Variants in TBC1D22A observed in about 807,000 individuals in gnomAD.
The protein encoded by TBC1D22A is putative GTPase activator.
Under a neutral mutation model 60.2 loss-of-function variants are expected in TBC1D22A, and 38 were observed. That is an observed-to-expected ratio of 0.63 (90% confidence interval 0.49 to 0.83). The LOEUF is 0.83. Among genes scored for constraint, TBC1D22A ranks in the 40% least tolerant of loss-of-function variants. The probability of loss-of-function intolerance (pLI) is 0.00; values close to 1 mark genes in which losing one functional copy is unlikely to be tolerated. For synonymous variants in TBC1D22A, 302 were observed against 281.7 expected, an observed-to-expected ratio of 1.07 and a Z score of -0.72; for missense variants, 628 against 701.0, an observed-to-expected ratio of 0.90 and a Z score of 1.18.
intron 8 of TBC1D22A, among the ~76,000 whole-genome samples, chr22:46,952,840 C>T (rs1304385641): frequency 1.3e-5 from 2 of 152,202 alleles, no homozygotes; most frequent in Non-Finnish European, 2.9e-5. Flanking sequence ...CTCTCCTGTC[C>T]TCCACGTCAG....
chr22:47,068,466 T>G (rs184873003), intron 11 of TBC1D22A, among the ~76,000 whole-genome samples: 1 of 152,260 alleles, frequency 6.6e-6, no homozygotes, highest in East Asian at 1.9e-4. Flanking sequence ...GTGGGGACTT[T>G]GATGTTACGA....
chr22:46,769,045 G>C (rs1414951529), intron 1 of TBC1D22A, among the ~76,000 whole-genome samples: 2 of 134,640 alleles, frequency 1.5e-5, no homozygotes, highest in Admixed American at 8.8e-5. Flanking sequence ...AGTGAGCTGA[G>C]ATCGCGTCAC....
intron 9 of TBC1D22A, among the ~76,000 whole-genome samples, chr22:46,989,143 G>T (rs1176492380): frequency 6.6e-6 from 1 of 152,196 alleles, no homozygotes; most frequent in East Asian, 1.9e-4. Flanking sequence ...AGCCTTCATA[G>T]AATTAAAGAG....
At chr22:46,871,448 A>G (rs887606088) in intron 4 of TBC1D22A, among the ~76,000 whole-genome samples, 1 of 152,222 alleles carries the variant, frequency 6.6e-6, no homozygotes, top group African/African-American at 2.4e-5. Flanking sequence ...CACCAAGTAG[A>G]CTGTATGTTG....
intron 8 of TBC1D22A, among the ~76,000 whole-genome samples, chr22:46,932,759 C>T (rs1260664733): frequency 7.5e-6 from 1 of 133,170 alleles, no homozygotes; most frequent in African/African-American, 3.0e-5. Flanking sequence ...GAGTCTCGCC[C>T]TGTTGCCCAG....
intron 4 of TBC1D22A, among the ~76,000 whole-genome samples, chr22:46,841,170 G>GA (rs2086752958): frequency 6.6e-6 from 1 of 152,158 alleles, no homozygotes; most frequent in South Asian, 2.1e-4. Flanking sequence ...TCAGCAATGT[G>GA]ATAGTATTCA....
chr22:46,904,368 AC>A (rs1337202167), intron 7 of TBC1D22A, among the ~76,000 whole-genome samples: 1 of 152,192 alleles, frequency 6.6e-6, no homozygotes, highest in East Asian at 1.9e-4. Context: ...GGTGAAAATC[AC>A]GCGGCAAGAT....
chr22:47,111,244 G>C (rs972601130), intron 11 of TBC1D22A, among the ~76,000 whole-genome samples: 2 of 152,246 alleles, frequency 1.3e-5, no homozygotes, highest in African/African-American at 4.8e-5. Context: ...AGAGAAGAAT[G>C]AACAACCGCT....
intron 8 of TBC1D22A, among the ~76,000 whole-genome samples, chr22:46,947,786 T>C (rs770480305): frequency 6.6e-6 from 1 of 152,092 alleles, no homozygotes; most frequent in African/African-American, 2.4e-5. Context: ...GCCAGAGATA[T>C]CATGAGGACT....
rs141998346 is a variant in TBC1D22A, at chr22:46,952,907, C to T, written c.1016-21383C>T. On this transcript the variant is annotated intron_variant, in intron 8 of 12. Transcript: ENST00000337137. Reference sequence around the variant, plus strand: ...CCTCTTGCCACATTGCTTGGATGGCCTTTCACCAGGTCTGATCCGAGGGTG... The same window carrying T: ...CCTCTTGCCACATTGCTTGGATGGCTTTTCACCAGGTCTGATCCGAGGGTG... 3.9e-5 allele frequency among the ~76,000 whole-genome samples: 6 copies of T among 152,336 alleles called. No homozygotes were observed. In the East Asian group the frequency reaches 1.2e-3, roughly 29 times the overall value.
intron 4 of TBC1D22A, among the ~76,000 whole-genome samples, chr22:46,841,332 C>A (rs1237263780): frequency 6.6e-6 from 1 of 152,106 alleles, no homozygotes; most frequent in African/African-American, 2.4e-5. Context: ...TTTGGCCGTT[C>A]CGCCATGTGA....
intron 11 of TBC1D22A, among the ~76,000 whole-genome samples, chr22:47,064,471 T>C (rs2063689255): frequency 1.3e-5 from 2 of 152,394 alleles, no homozygotes; most frequent in South Asian, 4.1e-4. Flanking sequence ...ATTTACCTGA[T>C]GGTATTTTAT....
At chr22:46,767,043 C>T in intron 1 of TBC1D22A, among the ~76,000 whole-genome samples, 1 of 152,160 alleles carries the variant, frequency 6.6e-6, no homozygotes, top group South Asian at 2.1e-4. Flanking sequence ...CTCGATTAGC[C>T]TGGAGAGTGA....
chr22:47,104,578 C>A (rs1166488812), intron 11 of TBC1D22A, among the ~76,000 whole-genome samples: 1 of 151,570 alleles, frequency 6.6e-6, no homozygotes, highest in Admixed American at 6.6e-5. Flanking sequence ...GCCTGTAATC[C>A]CAGCTACCCC....
rs373169605 is a variant in TBC1D22A at position 46,793,529 on chromosome 22, A to G, written c.148A>G (p.Thr50Ala). ...GCTCAGGTCCACGGCCAAGATGCCG[A>G]CCACACCAGTGAAGGCCAAGAGGGT... ...TLLRSTAKMPTTPVKAKRVST... is the reference protein window; with the variant it reads ...TLLRSTAKMPATPVKAKRVST... The change falls in exon 3 of 13, where the codon ACC becomes GCC. Residue 50 changes from threonine to alanine, a missense_variant. By Grantham distance (58) the Thr-to-Ala change is moderately conservative (BLOSUM62 0). Transcript: ENST00000337137. 14 of 1,614,072 alleles carry G rather than the reference A, an allele frequency of 8.7e-6. No individual in the cohort carries two copies. The highest frequency in any genetic ancestry group is 3.3e-5 in the Admixed American group (2 of 60,010).
intron 4 of TBC1D22A, among the ~76,000 whole-genome samples, chr22:46,861,330 T>A (rs909981536): frequency 1.8e-4 from 27 of 152,344 alleles, no homozygotes; most frequent in African/African-American, 6.0e-4. Context: ...TCTATTTTAA[T>A]TTTTCATTCC....
chr22:46,878,930 A>G (rs111636318), intron 5 of TBC1D22A, among the ~76,000 whole-genome samples: 57 of 152,358 alleles, frequency 3.7e-4, no homozygotes, highest in African/African-American at 1.3e-3. Flanking sequence ...GAAAACAAGA[A>G]TAGGTAATAA....
chr22:47,022,679 C>T (rs763049955), intron 10 of TBC1D22A, among the ~76,000 whole-genome samples: 3 of 152,156 alleles, frequency 2.0e-5, no homozygotes, highest in Non-Finnish European at 2.9e-5. Flanking sequence ...GAAATGATGA[C>T]AGAGAACAAG....
At position 47,161,655 on chromosome 22, in the gene TBC1D22A, C is replaced by T. The variant is rs187698712; in HGVS notation, c.1426-11843C>T. Among the ~76,000 whole-genome samples the T allele has an allele frequency of 2.6e-4, 39 of 152,342 alleles. No homozygotes were observed. In the East Asian group the frequency reaches 7.1e-3, roughly 28 times the overall value. On this transcript the variant is annotated intron_variant, in intron 12 of 12. Transcript: ENST00000337137. The stretch of plus-strand genomic sequence containing the variant: ...TGCTTGAGTGACCTGGAGCAAGGGG[C>T]TGAGTGTCTCGTCTTGGGTGCACAC...
Sources: gnomAD v4.1 joint callset for allele counts (sites outside exome capture counted in the v4.1 genomes callset) on GRCh38, gnomAD v4.1.1 for gene constraint, MANE v1.5 for transcripts, NCBI Gene and HGNC (gene_info 2026-07-23, HGNC 2026-07-21) for gene names.